SLC8A1: variants seen among roughly 807,000 people sequenced by gnomAD.
SLC8A1 encodes solute carrier family 8 member A1, also known as sodium/calcium exchanger 1.
Under a neutral mutation model 68.3 loss-of-function variants are expected in SLC8A1, and 18 were observed. The ratio of observed to expected loss-of-function variants is 0.26; its 90% CI spans 0.18 to 0.39. The LOEUF is 0.39. SLC8A1 is among the 10% of genes least tolerant of loss of function. The pLI is 1.00. For synonymous variants in SLC8A1, 475 were observed against 415.5 expected (o/e 1.14, Z -1.74); for missense variants, 985 against 1,156.7 (o/e 0.85, Z 2.15).
At chr2:40,263,228 G>A (rs2064934533) in intron 2 of SLC8A1, among the ~76,000 whole-genome samples, 1 of 152,170 alleles carries the variant, frequency 6.6e-6, no homozygotes, top group Admixed American at 6.5e-5. Flanking sequence ...CCTGCAGAAT[G>A]GCAATAATAA....
intron 1 of SLC8A1, among the ~76,000 whole-genome samples, chr2:40,483,180 T>G (rs1704752047): frequency 6.6e-6 from 1 of 150,574 alleles, no homozygotes; most frequent in Non-Finnish European, 1.5e-5. Context: ...AGCTGAACAT[T>G]TATGTATTAG....
chr2:40,290,273 T>G (rs915978301), intron 2 of SLC8A1, among the ~76,000 whole-genome samples: 5 of 151,188 alleles, frequency 3.3e-5, no homozygotes, highest in African/African-American at 1.2e-4. Flanking sequence ...AAAAAAAAGG[T>G]TTCTTTGTTT....
intron 1 of SLC8A1, among the ~76,000 whole-genome samples, chr2:40,457,269 C>T (rs1703077540): frequency 6.6e-6 from 1 of 152,246 alleles, no homozygotes; most frequent in South Asian, 2.1e-4. Context: ...AAGATAAGCT[C>T]CCTGGGGTGC....
chr2:40,171,955 G>T (rs998854498), intron 4 of SLC8A1, among the ~76,000 whole-genome samples: 3 of 152,142 alleles, frequency 2.0e-5, no homozygotes, highest in Middle Eastern at 3.2e-3. Context: ...CTGAAATATT[G>T]GTATTAGGCT....
chr2:40,271,532 C>T (rs1219955571), intron 2 of SLC8A1, among the ~76,000 whole-genome samples: 3 of 152,174 alleles, frequency 2.0e-5, no homozygotes, highest in Admixed American at 6.6e-5. Context: ...GTCCTTACCA[C>T]GACCTGACAT....
chr2:40,371,526 G>A (rs78517040), intron 2 of SLC8A1, among the ~76,000 whole-genome samples: 3,758 of 152,194 alleles, frequency 0.025, 58 homozygotes, highest in Non-Finnish European at 0.037. Flanking sequence ...AGATGTTAGT[G>A]TCTTCTACCT....
intron 2 of SLC8A1, among the ~76,000 whole-genome samples, chr2:40,241,306 C>A (rs953183166): frequency 1.3e-5 from 2 of 152,034 alleles, no homozygotes; most frequent in Non-Finnish European, 2.9e-5. Context: ...ACTGAGCATA[C>A]ACGGACATAA....
At chr2:40,509,097 C>T (rs918315889) in intron 1 of SLC8A1, among the ~76,000 whole-genome samples, 2 of 152,190 alleles carry the variant, frequency 1.3e-5, no homozygotes, top group African/African-American at 4.8e-5. Context: ...GACCTTAAAA[C>T]TACATTGAAA....
chr2:40,164,872 T>G, exon 5 of SLC8A1: 1 of 1,613,956 alleles, frequency 6.2e-7, no homozygotes, highest in Non-Finnish European at 8.5e-7. Context: ...CATAGGATTC[T>G]TCAATGATCA....
In SLC8A1 at chr2:40,357,371, C is replaced by T. The variant is rs115356154; in HGVS notation, c.1808+71102G>A. Among the ~76,000 whole-genome samples, 1,454 of 151,096 alleles carry T rather than the reference C, an allele frequency of 9.6e-3. 15 individuals carry two copies. The highest frequency in any genetic ancestry group is 0.034 in the African/African-American group (1,377 of 41,094). On this transcript the variant is annotated intron_variant, in intron 2 of 7. Coordinates refer to ENST00000406785, the Ensembl canonical transcript of SLC8A1. ...AATTAGCCAAATGTGGTGGTGGGTG[C>T]CTGCAGTCCCGACTACTTAGGAGGC...
intron 1 of SLC8A1, among the ~76,000 whole-genome samples, chr2:40,446,935 T>C (rs1192222914): frequency 6.6e-6 from 1 of 152,234 alleles, no homozygotes; most frequent in Non-Finnish European, 1.5e-5. Context: ...TTGTATACAC[T>C]GAATGCTCCA....
intron 2 of SLC8A1, among the ~76,000 whole-genome samples, chr2:40,312,074 T>C (rs1297300115): frequency 1.3e-5 from 2 of 152,082 alleles, no homozygotes; most frequent in Non-Finnish European, 2.9e-5. Context: ...AGACAAAAAA[T>C]TCATGGTTAG....
At chr2:40,497,916 C>A (rs1705813078) in intron 1 of SLC8A1, among the ~76,000 whole-genome samples, 2 of 151,906 alleles carry the variant, frequency 1.3e-5, no homozygotes, top group African/African-American at 4.8e-5. Context: ...TAGGGAGCAG[C>A]CAGGGTGGAG....
chr2:40,362,158 G>C lies in SLC8A1; in HGVS notation c.1808+66315C>G, dbSNP rs567581852. Among the ~76,000 whole-genome samples the C allele has an allele frequency of 6.5e-4, 98 of 151,810 alleles. 1 individual carries two copies. Among genetic ancestry groups the C allele is most frequent in the South Asian group, 1.7e-3 (8 of 4,820 alleles). On this transcript the variant is annotated intron_variant, in intron 2 of 7. Coordinates refer to ENST00000406785, the Ensembl canonical transcript of SLC8A1. The stretch of plus-strand genomic sequence containing the variant: ...AATCCACTTGCCTCAGCCTCCCATA[G>C]TGCTGGGATTACAGTAATGAGCCAC...
intron 2 of SLC8A1, among the ~76,000 whole-genome samples, chr2:40,324,456 A>G (rs1350312508): frequency 6.6e-6 from 1 of 152,192 alleles, no homozygotes. Context: ...AACAGGATCA[A>G]ACATTCCATT....
At chr2:40,359,788 G>A (rs560394474) in intron 2 of SLC8A1, among the ~76,000 whole-genome samples, 76 of 152,174 alleles carry the variant, frequency 5.0e-4, no homozygotes, top group Non-Finnish European at 1.0e-3. Context: ...ATTGCAGTAG[G>A]GGTACAAAGT....
chr2:40,129,610 A>G (rs1248870297), intron 7 of SLC8A1, among the ~76,000 whole-genome samples: 1 of 152,234 alleles, frequency 6.6e-6, no homozygotes, highest in East Asian at 1.9e-4. Context: ...TTCCTTAGAG[A>G]CTGACACTCT....
intron 2 of SLC8A1, among the ~76,000 whole-genome samples, chr2:40,313,735 A>C (rs994190181): frequency 6.6e-6 from 1 of 152,042 alleles, no homozygotes; most frequent in African/African-American, 2.4e-5. Context: ...TACTCTATTC[A>C]GTGTGCATTA....
At chr2:40,241,873 A>G (rs572809155) in intron 2 of SLC8A1, among the ~76,000 whole-genome samples, 44 of 96,760 alleles carry the variant, frequency 4.5e-4, no homozygotes, top group African/African-American at 1.1e-3. Flanking sequence ...AGAAAAATAG[A>G]TATCAGTTTT....
Sources: gnomAD v4.1 joint callset for allele counts (sites outside exome capture counted in the v4.1 genomes callset) on GRCh38, gnomAD v4.1.1 for gene constraint, MANE v1.5 for transcripts, NCBI Gene and HGNC (gene_info 2026-07-23, HGNC 2026-07-21) for gene names.